The following GALNS variants were observed in gnomAD, a reference collection of about 807,000 sequenced individuals.
The protein encoded by GALNS is N-acetylgalactosamine-6-sulfatase.
A neutral mutation model predicts 65.9 loss-of-function variants in GALNS; 65 were observed. The observed-to-expected ratio is 0.99, with a 90% confidence interval of 0.81 to 1.21. The LOEUF is 1.21. Ranked by LOEUF, GALNS falls within the 50% of genes most tolerant of loss-of-function variation. GALNS has a pLI of 0.00. For missense variants in GALNS, 776 were observed against 700.7 expected (o/e 1.11, Z -1.21); for synonymous variants, 346 against 288.9 (o/e 1.20, Z -2.00).
rs1419273652 is a variant in GALNS, at chr16:88,835,131, C to T, written c.898+82G>A. On this transcript the variant is annotated intron_variant, in intron 8 of 13. Coordinates refer to ENST00000268695, the MANE Select transcript of GALNS (RefSeq NM_000512.5). ...CCTTCATGCTCTGCCCACCACAGAC[C>T]CCGTGGGCACAGCCGGTCCAGGCAC... 4 of 1,519,958 alleles carry T rather than the reference C, an allele frequency of 2.6e-6. No homozygotes were observed. In the Admixed American group the frequency reaches 7.9e-5, roughly 30 times the overall value. 94.2% of individuals were successfully genotyped at this position (1,519,958 alleles called of 1,614,324 possible).
intron 4 of GALNS, among the ~76,000 whole-genome samples, chr16:88,839,106 C>T (rs1012615342): frequency 2.6e-5 from 4 of 152,066 alleles, no homozygotes; most frequent in Admixed American, 6.5e-5. Context: ...GACACTCGTG[C>T]GTCCACGTCC....
chr16:88,856,901 C>T lies in GALNS; in HGVS notation c.-24G>A. 1 of 1,500,068 alleles carries T rather than the reference C, an allele frequency of 6.7e-7. No homozygotes were observed. Among genetic ancestry groups the T allele is most frequent in the Non-Finnish European group, 8.8e-7 (1 of 1,133,024 alleles). 92.9% of individuals were successfully genotyped at this position (1,500,068 alleles called of 1,614,324 possible). On this transcript the variant is annotated 5_prime_UTR_variant, in exon 1 of 14. Coordinates refer to ENST00000268695, the MANE Select transcript of GALNS (RefSeq NM_000512.5). ...ATGGCAACCACGGGAGCCGCGGAGC[C>T]CCGGCCAGCGAGCCGACCTAGCGAG...
At position 88,835,338 on chromosome 16, in the gene GALNS, A is replaced by T. The variant is rs755273965; in HGVS notation, c.773T>A (p.Val258Asp). ...CCCAATGCTGTCATCAATCTCCCGG[A>T]CGGCGTCTCCATACCTGCAGGATGG... is the stretch of plus-strand genomic sequence containing the variant. ...TSQRGRYGDAVREIDDSIGKI... is the reference protein window; with the variant it reads ...TSQRGRYGDADREIDDSIGKI... Residue 258 changes from valine to aspartate, a missense_variant, in exon 8 of 14, where the codon GTC becomes GAC. By Grantham distance (152) the Val-to-Asp change is radical (BLOSUM62 -3). Coordinates refer to ENST00000268695, the MANE Select transcript of GALNS (RefSeq NM_000512.5). 1 of 1,613,664 alleles carries T rather than the reference A, an allele frequency of 6.2e-7. No individual in the cohort carries two copies. The highest frequency in any genetic ancestry group is 8.5e-7 in the Non-Finnish European group (1 of 1,179,870).
rs781439830 is a variant in GALNS at position 88,837,737 on chromosome 16, G to T, written c.451C>A (p.Pro151Thr). 3.1e-6 allele frequency: 5 copies of T among 1,613,860 alleles called. No individual in the cohort carries two copies. The highest frequency in any genetic ancestry group is 4.5e-5 in the East Asian group (2 of 44,898). The change falls in exon 5 of 14, where the codon CCC becomes ACC. Residue 151 changes from proline to threonine, a missense_variant. Coordinates refer to ENST00000268695, the MANE Select transcript of GALNS (RefSeq NM_000512.5). ...WHLGHRPQFH[P>T]LKHGFDEWFG... ...CACTCATCAAATCCGTGCTTCAGGG[G>T]GTGGAACTGGGGCCTGTGACCCAGA...
chr16:88,817,199 A>G (rs1006310608), intron 13 of GALNS: 1 of 985,202 alleles, frequency 1.0e-6, no homozygotes, highest in Admixed American at 6.1e-5. Context: ...AGGGGACAGA[A>G]AAGCTGCTCC....
In GALNS at chr16:88,813,871, G is replaced by A. The variant is rs1909357233; in HGVS notation, c.*568C>T. Reference sequence around the variant, plus strand: ...GGACAAAGGACAGACGGAACTGGAAGTCATCCCTCTGGGGCTCCCCTGAGA... The same window carrying A: ...GGACAAAGGACAGACGGAACTGGAAATCATCCCTCTGGGGCTCCCCTGAGA... On this transcript the variant is annotated 3_prime_UTR_variant, in exon 14 of 14. Coordinates refer to ENST00000268695, the MANE Select transcript of GALNS (RefSeq NM_000512.5). 1 of 164,236 alleles carries A rather than the reference G, an allele frequency of 6.1e-6. No homozygotes were observed. Among genetic ancestry groups the A allele is most frequent in the Admixed American group, 5.6e-5 (1 of 17,734 alleles). The allele number at this position is 164,236 out of a possible 1,614,324, so 10.2% of individuals were successfully genotyped here. A position where few individuals can be genotyped will look rare whatever the true frequency, so the allele number is the denominator to read the frequency against.
chr16:88,841,004 A>G lies in GALNS; in HGVS notation c.410T>C (p.Ile137Thr). Residue 137 changes from isoleucine (I) to threonine (T), a missense_variant, in exon 4 of 14, where the codon ATT (isoleucine) becomes ACT (threonine). Ile to Thr is a moderately conservative substitution (Grantham distance 89). Transcript: ENST00000268695. ...LLKKAGYVSKIVGKWHLGHRP... is the reference protein window; with the variant it reads ...LLKKAGYVSKTVGKWHLGHRP... ...CCAGGAGACTTACCACTTGCCGACA[A>G]TCTTGCTGACGTAGCCGGCCTTCTT... The G allele has an allele frequency of 6.2e-7, 1 of 1,613,132 alleles. No homozygotes were observed. The highest frequency in any genetic ancestry group is 8.5e-7 in the Non-Finnish European group (1 of 1,179,834).
At chr16:88,835,144 C>A in intron 8 of GALNS, 69 bp downstream of exon 8, 2 of 1,545,212 alleles carry the variant, frequency 1.3e-6, no homozygotes, top group Middle Eastern at 1.7e-4. Flanking sequence ...GTGGGCACAG[C>A]CGGTCCAGGC....
chr16:88,855,287 G>C (rs922092492), intron 1 of GALNS: 8 of 700,210 alleles, frequency 1.1e-5, no homozygotes, highest in African/African-American at 1.0e-4. Flanking sequence ...TTCACCTGCA[G>C]AGCCCAGCTC....
chr16:88,821,624 C>T (rs1206155216), intron 12 of GALNS, among the ~76,000 whole-genome samples: 2 of 152,190 alleles, frequency 1.3e-5, no homozygotes, highest in East Asian at 1.9e-4. Flanking sequence ...CGTGGGAAGG[C>T]GGCTGCCCCG....
intron 10 of GALNS, among the ~76,000 whole-genome samples, chr16:88,825,566 G>C (rs1176602862): frequency 3.6e-5 from 3 of 83,690 alleles, no homozygotes; most frequent in Non-Finnish European, 9.0e-5. Flanking sequence ...CCGGGACTGG[G>C]ATTCCTGGGC....
At chr16:88,856,292 G>A (rs1461860961) in intron 1 of GALNS, 1 of 702,800 alleles carries the variant, frequency 1.4e-6, no homozygotes, top group Non-Finnish European at 2.6e-6. Flanking sequence ...CGAGGTGGCG[G>A]GAGTGATTCC....
chr16:88,851,784 C>T (rs138391780), intron 1 of GALNS, among the ~76,000 whole-genome samples: 6 of 152,350 alleles, frequency 3.9e-5, no homozygotes, highest in African/African-American at 7.2e-5. Context: ...GATCCACCTG[C>T]GAGGTGGCAG....
intron 12 of GALNS, among the ~76,000 whole-genome samples, chr16:88,820,241 G>A (rs866734377): frequency 5.3e-5 from 8 of 152,116 alleles, no homozygotes; most frequent in Non-Finnish European, 1.0e-4. Context: ...CAATTCTCCC[G>A]CCTCACCTTC....
chr16:88,833,122 A>G (rs1460540166), intron 8 of GALNS, among the ~76,000 whole-genome samples: 1 of 151,696 alleles, frequency 6.6e-6, no homozygotes, highest in African/African-American at 2.4e-5. Context: ...TCCGGCAGTG[A>G]AAAAGTGAAC....
intron 10 of GALNS, among the ~76,000 whole-genome samples, 167 bp from the exon 11 acceptor site, chr16:88,825,036 G>GT (rs1910664821): frequency 6.6e-6 from 1 of 151,950 alleles, no homozygotes; most frequent in African/African-American, 2.4e-5. Context: ...GGTGGCTGGG[G>GT]CTGGGGTGCC....
chr16:88,851,321 C>G (rs1037117147), intron 1 of GALNS, among the ~76,000 whole-genome samples: 3 of 152,176 alleles, frequency 2.0e-5, no homozygotes, highest in African/African-American at 4.8e-5. Flanking sequence ...CAAGACCAAC[C>G]TGGGTCTCAC....
chr16:88,824,650 G>A (rs561834573), intron 11 of GALNS, 117 bp downstream of exon 11: 1 of 804,236 alleles, frequency 1.2e-6, no homozygotes, highest in African/African-American at 1.7e-5. Flanking sequence ...GGCTGTGGAG[G>A]GGGTGGAGTT....
At chr16:88,855,335 A>G (rs1026915318) in intron 1 of GALNS, 2 of 700,282 alleles carry the variant, frequency 2.9e-6, no homozygotes, top group Admixed American at 2.0e-5. Flanking sequence ...GGAGTTACAC[A>G]ATGAAAAGAA....
Sources: allele counts gnomAD v4.1 joint callset (sites outside exome capture counted in the v4.1 genomes callset), GRCh38; gene constraint gnomAD v4.1.1; transcripts MANE v1.5; gene names NCBI Gene and HGNC (gene_info 2026-07-23, HGNC 2026-07-21).